Variants in GRIN2B observed in about 807,000 individuals in gnomAD.
The protein encoded by GRIN2B is glutamate receptor ionotropic, NMDA 2B.
Under a neutral mutation model 114.5 loss-of-function variants are expected in GRIN2B, and 5 were observed. The ratio of observed to expected loss-of-function variants is 0.04; its 90% confidence interval spans 0.02 to 0.09. The LOEUF (loss-of-function observed/expected upper bound fraction) is 0.09. Among genes scored for constraint, GRIN2B ranks in the 10% least tolerant of loss-of-function variants. The pLI, the probability that GRIN2B is intolerant of heterozygous loss-of-function variation, is 1.00. For missense variants in GRIN2B, 1,108 were observed against 1,943.5 expected (o/e 0.57, Z 8.08); for synonymous variants, 787 against 745.1 (o/e 1.06, Z -0.92).
At chr12:13,755,290 C>G (rs1310467926) in intron 3 of GRIN2B, among the ~76,000 whole-genome samples, 4 of 152,152 alleles carry the variant, frequency 2.6e-5, no homozygotes, top group Admixed American at 2.0e-4. Flanking sequence ...GAAAAAAATA[C>G]AGGTTGGGAA....
intron 4 of GRIN2B, among the ~76,000 whole-genome samples, chr12:13,737,884 A>C (rs1162212012): frequency 6.6e-6 from 1 of 152,196 alleles, no homozygotes; most frequent in African/African-American, 2.4e-5. Flanking sequence ...AATCAGATAG[A>C]TTACATTACC....
chr12:13,709,678 G>A (rs1302638136), intron 4 of GRIN2B, among the ~76,000 whole-genome samples: 1 of 151,950 alleles, frequency 6.6e-6, no homozygotes, highest in Non-Finnish European at 1.5e-5. Flanking sequence ...CACTACCTCT[G>A]AGCTTCTAAA....
intron 3 of GRIN2B, among the ~76,000 whole-genome samples, chr12:13,773,514 G>T (rs572065150): frequency 4.3e-4 from 65 of 152,284 alleles, no homozygotes; most frequent in Non-Finnish European, 8.8e-5. Context: ...TCCCAAAAGT[G>T]CTCAAAGGCA....
chr12:13,550,168 T>C lies in GRIN2B; in HGVS notation c.*12615A>G, dbSNP rs1172862341. The C allele has an allele frequency of 6.6e-6, 1 of 152,204 alleles. No homozygotes were observed. The highest frequency in any genetic ancestry group is 2.4e-5 in the African/African-American group (1 of 41,450). The allele number at this position is 152,204 out of a possible 1,614,324, so 9.4% of individuals were successfully genotyped here. ...TTATTTCCAAGTCAAAGGAGGTTATTTGGAGAAGTGGTTATGGTAAATTCT... is the reference window on the plus strand; with the variant it reads ...TTATTTCCAAGTCAAAGGAGGTTATCTGGAGAAGTGGTTATGGTAAATTCT... On this transcript the variant is annotated 3_prime_UTR_variant, in exon 14 of 14. Transcript: ENST00000609686.
At chr12:13,650,326 C>A (rs1949801393) in intron 5 of GRIN2B, among the ~76,000 whole-genome samples, 1 of 124,738 alleles carries the variant, frequency 8.0e-6, no homozygotes. Flanking sequence ...CTGTCCCCTT[C>A]CTCCCCTCTG....
At chr12:13,838,165 T>C (rs935105389) in intron 3 of GRIN2B, among the ~76,000 whole-genome samples, 6 of 151,960 alleles carry the variant, frequency 3.9e-5, no homozygotes, top group African/African-American at 1.2e-4. Context: ...AAGAGGTAAA[T>C]AGCAAATGGG....
At chr12:13,925,765 A>G (rs1187324675) in intron 2 of GRIN2B, among the ~76,000 whole-genome samples, 1 of 152,136 alleles carries the variant, frequency 6.6e-6, no homozygotes, top group African/African-American at 2.4e-5. Context: ...TAATAGTGCA[A>G]TTTTGATGAG....
rs138326633 is a variant in GRIN2B, at chr12:13,645,899, A to G, written c.1126-29242T>C. On this transcript the variant is annotated intron_variant, in intron 5 of 13. Coordinates refer to ENST00000609686, the MANE Select transcript of GRIN2B (RefSeq NM_000834.5). ...AGAAAGAGAAGGGGGTGACTCTTAA[A>G]GACTTAGTTGTGGAATCTGGGGAAG... Among the ~76,000 whole-genome samples the G allele has an allele frequency of 7.2e-5, 11 of 152,242 alleles. No homozygotes were observed. The East Asian group carries it at 2.1e-3, about 29-fold the overall frequency.
At chr12:13,756,177 G>A (rs1471695255) in intron 3 of GRIN2B, among the ~76,000 whole-genome samples, 5 of 151,940 alleles carry the variant, frequency 3.3e-5, no homozygotes, top group Non-Finnish European at 5.9e-5. Context: ...CACCATGCCA[G>A]GCTAATTTTT....
chr12:13,938,827 A>G (rs1453011204), intron 2 of GRIN2B, among the ~76,000 whole-genome samples: 2 of 152,180 alleles, frequency 1.3e-5, no homozygotes, highest in South Asian at 2.1e-4. Flanking sequence ...ACAGTTGCTT[A>G]TGTTTGTCAA....
chr12:13,694,141 C>T (rs1157644406), intron 4 of GRIN2B, among the ~76,000 whole-genome samples: 4 of 152,034 alleles, frequency 2.6e-5, no homozygotes, highest in Non-Finnish European at 4.4e-5. Flanking sequence ...GAAGTACTTC[C>T]CTACATCATA....
chr12:13,774,188 T>C (rs1276895150), intron 3 of GRIN2B, among the ~76,000 whole-genome samples: 1 of 152,358 alleles, frequency 6.6e-6, no homozygotes, highest in South Asian at 2.1e-4. Flanking sequence ...AAATAAGGGA[T>C]GTGATTTCTC....
At chr12:13,875,727 T>C (rs973742390) in intron 2 of GRIN2B, among the ~76,000 whole-genome samples, 1 of 152,224 alleles carries the variant, frequency 6.6e-6, no homozygotes, top group Non-Finnish European at 1.5e-5. Flanking sequence ...GACTCACTTT[T>C]AACATTTAGT....
intron 3 of GRIN2B, among the ~76,000 whole-genome samples, chr12:13,756,582 G>A (rs934574528): frequency 6.6e-6 from 1 of 152,196 alleles, no homozygotes; most frequent in African/African-American, 2.4e-5. Context: ...GCTTCCACAA[G>A]CCCAGTGGTT....
chr12:13,834,917 T>C (rs368880373), intron 3 of GRIN2B, among the ~76,000 whole-genome samples: 22 of 152,314 alleles, frequency 1.4e-4, no homozygotes, highest in African/African-American at 4.6e-4. Context: ...CAGGCATCTG[T>C]ATTTTTTTAA....
At chr12:13,807,243 A>G (rs1402535144) in intron 3 of GRIN2B, among the ~76,000 whole-genome samples, 1 of 152,140 alleles carries the variant, frequency 6.6e-6, no homozygotes, top group Non-Finnish European at 1.5e-5. Flanking sequence ...CAAACCTGCC[A>G]CGGCTGTATG....
intron 5 of GRIN2B, among the ~76,000 whole-genome samples, chr12:13,657,337 T>G (rs1949875814): frequency 6.6e-6 from 1 of 152,186 alleles, no homozygotes; most frequent in South Asian, 2.1e-4. Flanking sequence ...AGAGCTCCCC[T>G]TCATGAAGAA....
At chr12:13,863,671 G>A (rs1339805605) in intron 3 of GRIN2B, among the ~76,000 whole-genome samples, 1 of 152,106 alleles carries the variant, frequency 6.6e-6, no homozygotes, top group East Asian at 1.9e-4. Flanking sequence ...AGATACATCA[G>A]CGAAAAAAAG....
At chr12:13,655,428 C>T (rs1233978767) in intron 5 of GRIN2B, among the ~76,000 whole-genome samples, 3 of 152,098 alleles carry the variant, frequency 2.0e-5, no homozygotes, top group Non-Finnish European at 4.4e-5. Context: ...AATTTTACAG[C>T]GGTAAGAATT....
Sources: gnomAD v4.1 joint callset for allele counts (sites outside exome capture counted in the v4.1 genomes callset) on GRCh38, gnomAD v4.1.1 for gene constraint, MANE v1.5 for transcripts, NCBI Gene and HGNC (gene_info 2026-07-23, HGNC 2026-07-21) for gene names.